The following KRT86 variants were observed in gnomAD, a reference collection of about 807,000 sequenced individuals.
KRT86 encodes the protein keratin 86.
In KRT86, 30 loss-of-function variants were observed where a neutral mutation model predicts 41.2. The observed-to-expected ratio is 0.73, with a 90% CI of 0.54 to 0.99. The LOEUF (loss-of-function observed/expected upper bound fraction) is 0.99, where lower values mean the gene tolerates loss of function less well. Among genes scored for constraint, KRT86 ranks in the 50% least tolerant of loss-of-function variants. The pLI is 0.00. For missense variants in KRT86, 561 were observed against 571.4 expected (o/e 0.98, Z 0.19); for synonymous variants, 238 against 238.1 (o/e 1.00, Z 0.00).
intron 8 of KRT86, 44 bp downstream of exon 8, chr12:52,305,832 A>T: frequency 6.2e-7 from 1 of 1,613,882 alleles, no homozygotes; most frequent in Admixed American, 1.7e-5. Flanking sequence ...CGAGGGTCTA[A>T]CCATGGTCAC....
At chr12:52,305,970 C>A in intron 8 of KRT86, 90 bp from the exon 9 acceptor site, 1 of 1,582,582 alleles carries the variant, frequency 6.3e-7, no homozygotes, top group Non-Finnish European at 8.6e-7. Flanking sequence ...CTGGGGTGCT[C>A]CCAGCTTGGT....
intron 2 of KRT86, among the ~76,000 whole-genome samples, chr12:52,299,075 A>G (rs1362915215): frequency 1.3e-5 from 2 of 152,034 alleles, no homozygotes; most frequent in Non-Finnish European, 2.9e-5. Context: ...GTATTTTTGT[A>G]CTCATTAACA....
rs1938577356 is a variant in KRT86, at chr12:52,308,721, C to T, written c.*136C>T. ...CCTGCACTCTAAGCGCCCTCCCCAC[C>T]GCTCCGCTCCGGGAGCCATCCCCGG... is the stretch of plus-strand genomic sequence containing the variant. On this transcript the variant is annotated 3_prime_UTR_variant, in exon 11 of 11. Coordinates refer to ENST00000423955, the MANE Select transcript of KRT86 (RefSeq NM_001320198.2). The T allele has an allele frequency of 1.3e-6, 1 of 791,410 alleles. No homozygotes were observed. 49.0% of individuals were successfully genotyped at this position (791,410 alleles called of 1,614,324 possible). A position where few individuals can be genotyped will look rare whatever the true frequency, so the allele number is the denominator to read the frequency against.
chr12:52,275,814 T>C lies in KRT86; in HGVS notation c.-130-7T>C. 2.0e-6 allele frequency: 2 copies of C among 985,818 alleles called. No homozygotes were observed. The highest frequency in any genetic ancestry group is 2.4e-6 in the Non-Finnish European group (2 of 829,904). The allele number at this position is 985,818 out of a possible 1,614,324, so 61.1% of individuals were successfully genotyped here. Reference sequence around the variant, plus strand: ...ACTACAGCTCCCCTCTGCCGTCTGCTCCACAGTGTGAGGAATTAAAGGCAA... The same window carrying C: ...ACTACAGCTCCCCTCTGCCGTCTGCCCCACAGTGTGAGGAATTAAAGGCAA... On this transcript the variant is annotated splice_region_variant and splice_polypyrimidine_tract_variant and intron_variant, in intron 1 of 10. Transcript: ENST00000423955.
At position 52,305,225 on chromosome 12, in the gene KRT86, C is replaced by A. The variant is rs772601328; in HGVS notation, c.736-15C>A. 1 of 1,614,062 alleles carries A rather than the reference C, an allele frequency of 6.2e-7. No homozygotes were observed. Among genetic ancestry groups the A allele is most frequent in the East Asian group, 2.2e-5 (1 of 44,888 alleles). On this transcript the variant is annotated splice_polypyrimidine_tract_variant and intron_variant, in intron 6 of 10. Coordinates refer to ENST00000423955, the MANE Select transcript of KRT86 (RefSeq NM_001320198.2). Reference sequence around the variant, plus strand: ...CTGTGTTCTCAACTAAAGTCACTGCCCTCACCTCCTGCAGGAGATCCGCGT... The same window carrying A: ...CTGTGTTCTCAACTAAAGTCACTGCACTCACCTCCTGCAGGAGATCCGCGT...
At chr12:52,306,433 GC>G (rs1239680583) in intron 9 of KRT86, among the ~76,000 whole-genome samples, 153 bp downstream of exon 9, 4 of 152,212 alleles carry the variant, frequency 2.6e-5, no homozygotes, top group Admixed American at 2.6e-4. Flanking sequence ...GTATGATCTA[GC>G]CCCGTTTGAG....
In KRT86 at chr12:52,287,414, G is replaced by A. The variant is rs1429453456; in HGVS notation, c.-5+11468G>A. 6.3e-6 allele frequency: 10 copies of A among 1,576,766 alleles called. No homozygotes were observed. The African/African-American group carries it at 6.8e-5, about 11-fold the overall frequency. ...GACCACACTCCCCACCAAGCTGGGA[G>A]CACCCCAGAACAGAGCCTCTTGCCT... On this transcript the variant is annotated intron_variant, in intron 2 of 10. Transcript: ENST00000423955.
At position 52,285,953 on chromosome 12, in the gene KRT86, G is replaced by A. The variant is rs534191489; in HGVS notation, c.-5+10007G>A. 40 of 470,094 alleles carry A rather than the reference G, an allele frequency of 8.5e-5. 1 individual carries two copies. Among genetic ancestry groups the A allele is most frequent in the South Asian group, 8.5e-4 (39 of 45,974 alleles). The allele number at this position is 470,094 out of a possible 1,614,324, so 29.1% of individuals were successfully genotyped here. On this transcript the variant is annotated intron_variant, in intron 2 of 10. Coordinates refer to ENST00000423955, the MANE Select transcript of KRT86 (RefSeq NM_001320198.2). ...TATTGAAACACAGATCAAGAGCAGA[G>A]GAGGAAGGGGAGAGGCAGGAAGGCA...
chr12:52,286,582 G>A (rs1937945236), intron 2 of KRT86: 4 of 1,368,282 alleles, frequency 2.9e-6, no homozygotes, highest in Non-Finnish European at 4.1e-6. Flanking sequence ...CTGAGCTCTG[G>A]TATGAAAAGT....
intron 9 of KRT86, 102 bp from the exon 10 acceptor site, chr12:52,308,131 G>T (rs1225287442): frequency 2.1e-5 from 32 of 1,513,238 alleles, no homozygotes; most frequent in Non-Finnish European, 2.9e-5. Context: ...CTTCCCTTGG[G>T]CAAGTGCCCA....
Position 52,305,471 on chromosome 12 carries a change from T to C in KRT86, c.900+67T>C, listed in dbSNP as rs1938488620. The stretch of plus-strand genomic sequence containing the variant: ...GAGGGATTTGAGATTATCTATTAAA[T>C]AGGCTTCCTTTTCTGGGGATGCACT... On this transcript the variant is annotated intron_variant, in intron 7 of 10. Transcript: ENST00000423955. 6.2e-6 allele frequency: 10 copies of C among 1,613,062 alleles called. No homozygotes were observed. In the Admixed American group the frequency reaches 1.0e-4, roughly 16 times the overall value.
chr12:52,286,570 A>T, intron 2 of KRT86: 1 of 1,419,326 alleles, frequency 7.0e-7, no homozygotes, highest in Non-Finnish European at 9.7e-7. Flanking sequence ...CCTGCCCAAG[A>T]CCTGAGCTCT....
chr12:52,299,275 G>A (rs886582709), intron 2 of KRT86, among the ~76,000 whole-genome samples: 1 of 152,142 alleles, frequency 6.6e-6, no homozygotes, highest in Non-Finnish European at 1.5e-5. Flanking sequence ...GCAAATGACA[G>A]GATTTCATTC....
In KRT86 at chr12:52,286,360, G is replaced by T. The variant is rs373705395; in HGVS notation, c.-5+10414G>T. On this transcript the variant is annotated intron_variant, in intron 2 of 10. Transcript: ENST00000423955. ...CTCCGCAGGTGGTGTTCAATTGGCC[G>T]CAGGGCGCACACAGGCCGGTGCTCA... 3.9e-6 allele frequency: 6 copies of T among 1,555,050 alleles called. No individual in the cohort carries two copies. The East Asian group carries it at 7.3e-5, about 19-fold the overall frequency.
intron 8 of KRT86, 75 bp downstream of exon 8, chr12:52,305,863 C>G (rs1938502071): frequency 6.2e-7 from 1 of 1,611,840 alleles, no homozygotes; most frequent in Admixed American, 1.7e-5. Context: ...TGTGCCCTAT[C>G]TGGATCTCAG....
intron 2 of KRT86, chr12:52,287,988 C>T: frequency 1.2e-6 from 2 of 1,614,230 alleles, no homozygotes; most frequent in Non-Finnish European, 1.7e-6. Context: ...ACTCACCTTG[C>T]TGCGGTACCA....
intron 2 of KRT86, chr12:52,288,393 C>G: frequency 6.2e-7 from 1 of 1,614,164 alleles, no homozygotes. Context: ...AAGTCGATCT[C>G]CTGGATCAGG....
chr12:52,277,268 T>C (rs1461484274), intron 2 of KRT86, among the ~76,000 whole-genome samples: 1 of 151,992 alleles, frequency 6.6e-6, no homozygotes, highest in Middle Eastern at 3.2e-3. Flanking sequence ...CTCTCAGCCA[T>C]CCTAGATAGC....
chr12:52,294,995 T>C (rs1938217044), intron 2 of KRT86, among the ~76,000 whole-genome samples: 1 of 152,230 alleles, frequency 6.6e-6, no homozygotes, highest in African/African-American at 2.4e-5. Flanking sequence ...TACCACAGTT[T>C]ATTTGCCTTT....
Sources: allele counts gnomAD v4.1 joint callset (sites outside exome capture counted in the v4.1 genomes callset), GRCh38; gene constraint gnomAD v4.1.1; transcripts MANE v1.5; gene names NCBI Gene and HGNC (gene_info 2026-07-23, HGNC 2026-07-21).